CAMK1D: variants seen among roughly 807,000 people sequenced by gnomAD.
The protein encoded by CAMK1D is calcium/calmodulin-dependent protein kinase type 1D.
In CAMK1D, 9 loss-of-function variants were observed where a neutral mutation model predicts 47.7. That is an observed-to-expected ratio of 0.19 (90% CI 0.11 to 0.33). The LOEUF (loss-of-function observed/expected upper bound fraction) is 0.33, where lower values mean the gene tolerates loss of function less well. CAMK1D is among the 10% of genes least tolerant of loss of function. The pLI, the probability that CAMK1D is intolerant of heterozygous loss-of-function variation, is 1.00. For synonymous variants in CAMK1D, 184 were observed against 184.9 expected, an observed-to-expected ratio of 0.99 and a Z score of 0.04; for missense variants, 291 against 488.7, an observed-to-expected ratio of 0.60 and a Z score of 3.81.
At chr10:12,390,474 G>A (rs955140421) in intron 1 of CAMK1D, among the ~76,000 whole-genome samples, 2 of 152,150 alleles carry the variant, frequency 1.3e-5, no homozygotes, top group African/African-American at 2.4e-5. Flanking sequence ...CTTTATCTCT[G>A]TCACTATATC....
At position 12,615,854 on chromosome 10, in the gene CAMK1D, G is replaced by A. The variant is rs550755218; in HGVS notation, c.225-50882G>A. On this transcript the variant is annotated intron_variant, in intron 2 of 10. Transcript: ENST00000619168. ...TGCGTTCGTGTGTGTATAGGTGTAG[G>A]TGTGTATGCATGTATGTGTATAAGT... Among the ~76,000 whole-genome samples, 7 of 59,708 alleles carry A rather than the reference G, an allele frequency of 1.2e-4. No individual in the cohort carries two copies. The Admixed American group carries it at 1.8e-3, about 15-fold the overall frequency. 39.2% of individuals were successfully genotyped at this position (59,708 alleles called of 152,430 possible).
At chr10:12,402,505 T>C (rs1184059543) in intron 1 of CAMK1D, among the ~76,000 whole-genome samples, 1 of 152,238 alleles carries the variant, frequency 6.6e-6, no homozygotes. Flanking sequence ...TGGGACTTTT[T>C]ATGCCACACT....
At chr10:12,736,408 A>T (rs1344730057) in intron 3 of CAMK1D, among the ~76,000 whole-genome samples, 3 of 152,352 alleles carry the variant, frequency 2.0e-5, no homozygotes, top group Middle Eastern at 3.4e-3. Flanking sequence ...GTTCAGCTGG[A>T]TAATTCTATT....
intron 1 of CAMK1D, among the ~76,000 whole-genome samples, chr10:12,451,442 C>G (rs1009815586): frequency 6.6e-6 from 1 of 152,204 alleles, no homozygotes; most frequent in African/African-American, 2.4e-5. Flanking sequence ...CATCTTCACT[C>G]TTGCCCTCTT....
chr10:12,656,833 CAT>C (rs531136031), intron 2 of CAMK1D, among the ~76,000 whole-genome samples: 82 of 152,206 alleles, frequency 5.4e-4, no homozygotes, highest in Middle Eastern at 3.4e-3. Context: ...TAATATGTTA[CAT>C]GTGTGTGTGT....
chr10:12,645,591 T>C (rs896949981), intron 2 of CAMK1D, among the ~76,000 whole-genome samples: 28 of 152,194 alleles, frequency 1.8e-4, no homozygotes, highest in Admixed American at 1.3e-4. Flanking sequence ...GGTCACAAGA[T>C]GGCTGCCGGT....
intron 2 of CAMK1D, among the ~76,000 whole-genome samples, chr10:12,658,742 A>G (rs1840189266): frequency 2.6e-5 from 4 of 152,062 alleles, no homozygotes; most frequent in Admixed American, 2.6e-4. Flanking sequence ...GTTGGAGGAG[A>G]GCCCAGCCGC....
chr10:12,355,863 A>G (rs1837496768), intron 1 of CAMK1D, among the ~76,000 whole-genome samples: 1 of 152,182 alleles, frequency 6.6e-6, no homozygotes, highest in Admixed American at 6.5e-5. Flanking sequence ...TACAAGGGGC[A>G]AAGAAGGGAA....
chr10:12,547,099 C>T (rs192803304), intron 1 of CAMK1D, among the ~76,000 whole-genome samples: 2 of 151,918 alleles, frequency 1.3e-5, no homozygotes, highest in African/African-American at 2.4e-5. Context: ...CCTTGGGGGC[C>T]CATTGATGTT....
chr10:12,652,852 A>T (rs1476988067), intron 2 of CAMK1D, among the ~76,000 whole-genome samples: 2 of 152,252 alleles, frequency 1.3e-5, no homozygotes, highest in Non-Finnish European at 2.9e-5. Flanking sequence ...TCGTTTAAAA[A>T]ACATCAACAA....
intron 1 of CAMK1D, among the ~76,000 whole-genome samples, chr10:12,526,045 G>A (rs975405088): frequency 6.6e-6 from 1 of 152,150 alleles, no homozygotes; most frequent in African/African-American, 2.4e-5. Context: ...GGTGTGAGCC[G>A]CCGCACCCGG....
chr10:12,625,207 A>T lies in CAMK1D; in HGVS notation c.225-41529A>T, dbSNP rs797008230. ...CAAAATGAACTGGGCGTGGTGGTGCATGCCTGTAATCCCAGCTACTTAGGA... is the reference window on the plus strand; with the variant it reads ...CAAAATGAACTGGGCGTGGTGGTGCTTGCCTGTAATCCCAGCTACTTAGGA... On this transcript the variant is annotated intron_variant, in intron 2 of 10. Transcript: ENST00000619168. Among the ~76,000 whole-genome samples the T allele has an allele frequency of 4.0e-4, 60 of 148,456 alleles. 1 individual carries two copies. The highest frequency in any genetic ancestry group is 9.3e-4 in the African/African-American group (38 of 40,770).
chr10:12,351,966 A>G (rs1837366194), intron 1 of CAMK1D, among the ~76,000 whole-genome samples: 1 of 152,198 alleles, frequency 6.6e-6, no homozygotes. Flanking sequence ...CCACATAATA[A>G]TCATGGTAAT....
In CAMK1D at chr10:12,598,028, C is replaced by T. The variant is rs2399875; in HGVS notation, c.224+44672C>T. 9.9e-3 allele frequency among the ~76,000 whole-genome samples: 1,503 copies of T among 152,302 alleles called. 69 individuals carry two copies. Among genetic ancestry groups the T allele is most frequent in the Admixed American group, 0.072 (1,094 of 15,298 alleles). ...TTTGAAGAGCTGACATTAAGATGGA[C>T]GATGCCGTGAAACACACGCATTTGT... is the stretch of plus-strand genomic sequence containing the variant. On this transcript the variant is annotated intron_variant, in intron 2 of 10. Coordinates refer to ENST00000619168, the MANE Select transcript of CAMK1D (RefSeq NM_153498.4).
chr10:12,457,617 C>T (rs926839600), intron 1 of CAMK1D, among the ~76,000 whole-genome samples: 1 of 151,474 alleles, frequency 6.6e-6, no homozygotes, highest in African/African-American at 2.4e-5. Flanking sequence ...CTTATCTCTA[C>T]TAAAAATACA....
At chr10:12,467,477 C>G (rs2815606) in intron 1 of CAMK1D, among the ~76,000 whole-genome samples, 119,670 of 152,058 alleles carry the variant, frequency 0.79, 47,320 homozygotes, top group East Asian at 0.92. Context: ...CTGACAGCTG[C>G]GACCAGGGTA....
At chr10:12,809,144 CT>C (rs1832496419) in intron 6 of CAMK1D, among the ~76,000 whole-genome samples, 1 of 151,834 alleles carries the variant, frequency 6.6e-6, no homozygotes, top group African/African-American at 2.4e-5. Context: ...TACAGAAATA[CT>C]TTTTAAAAAT....
chr10:12,806,097 GA>G (rs1838719228), intron 6 of CAMK1D, among the ~76,000 whole-genome samples: 1 of 152,212 alleles, frequency 6.6e-6, no homozygotes, highest in Non-Finnish European at 1.5e-5. Context: ...AGCGGGAGAA[GA>G]GCAGCCCTGG....
At chr10:12,553,095 A>T in intron 1 of CAMK1D, 130 bp from the exon 2 acceptor site, 1 of 1,521,794 alleles carries the variant, frequency 6.6e-7, no homozygotes, top group Non-Finnish European at 8.8e-7. Context: ...CACGGTGGAT[A>T]AAAGTAACAG....
Sources: gnomAD v4.1 joint callset for allele counts (sites outside exome capture counted in the v4.1 genomes callset) on GRCh38, gnomAD v4.1.1 for gene constraint, MANE v1.5 for transcripts, NCBI Gene and HGNC (gene_info 2026-07-23, HGNC 2026-07-21) for gene names.